The following TAFA5 variants were observed in gnomAD, a reference collection of about 807,000 sequenced individuals.
The protein encoded by TAFA5 is TAFA chemokine like family member 5.
A neutral mutation model predicts 15.3 loss-of-function variants in TAFA5; 6 were observed. The observed-to-expected ratio is 0.39, with a 90% confidence interval of 0.21 to 0.77. The LOEUF (loss-of-function observed/expected upper bound fraction) is 0.77. TAFA5 is among the 30% of genes least tolerant of loss of function. The probability of loss-of-function intolerance (pLI) is 0.41; values close to 1 mark genes in which losing one functional copy is unlikely to be tolerated. For missense variants in TAFA5, 161 were observed against 193.1 expected, an observed-to-expected ratio of 0.83 and a Z score of 0.98; for synonymous variants, 103 against 80.7, an observed-to-expected ratio of 1.28 and a Z score of -1.48.
intron 1 of TAFA5, among the ~76,000 whole-genome samples, chr22:48,640,713 G>A (rs532405188): frequency 1.3e-5 from 2 of 152,324 alleles, no homozygotes; most frequent in South Asian, 2.1e-4. Context: ...GGTCTTCTCT[G>A]TATGGCAAGG....
chr22:48,635,914 C>T (rs1926428014), intron 1 of TAFA5, among the ~76,000 whole-genome samples: 1 of 152,226 alleles, frequency 6.6e-6, no homozygotes, highest in Non-Finnish European at 1.5e-5. Flanking sequence ...TGTCGGATTT[C>T]ACAGGTGGCT....
At chr22:48,549,653 G>A (rs1335778136) in intron 1 of TAFA5, among the ~76,000 whole-genome samples, 1 of 152,202 alleles carries the variant, frequency 6.6e-6, no homozygotes, top group East Asian at 1.9e-4. Context: ...TGCTTTTGGA[G>A]ATGACTGCCC....
At chr22:48,576,272 C>T (rs899070758) in intron 1 of TAFA5, 1 of 796,058 alleles carries the variant, frequency 1.3e-6, no homozygotes, top group Non-Finnish European at 1.7e-6. Flanking sequence ...GCGGCGCCCC[C>T]CTCCCCCCGC....
At chr22:48,518,026 G>A (rs181759657) in intron 1 of TAFA5, among the ~76,000 whole-genome samples, 101 of 152,350 alleles carry the variant, frequency 6.6e-4, no homozygotes, top group African/African-American at 2.1e-3. Context: ...AACGCTGGCC[G>A]TGGTCACAGG....
At chr22:48,709,166 CAGG>C (rs750515804) in intron 3 of TAFA5, among the ~76,000 whole-genome samples, 49 of 152,156 alleles carry the variant, frequency 3.2e-4, no homozygotes, top group Admixed American at 5.2e-4. Context: ...TGTGGGCCTG[CAGG>C]AGGAGTGTGA....
intron 3 of TAFA5, among the ~76,000 whole-genome samples, chr22:48,746,443 G>A (rs1373829148): frequency 6.6e-6 from 1 of 152,126 alleles, no homozygotes; most frequent in Admixed American, 6.5e-5. Context: ...GCAGTGAGCT[G>A]CAATCGCACC....
chr22:48,658,407 C>T (rs918305112), intron 2 of TAFA5, among the ~76,000 whole-genome samples: 1 of 152,232 alleles, frequency 6.6e-6, no homozygotes, highest in African/African-American at 2.4e-5. Flanking sequence ...CATGGGCGCT[C>T]AGTTCCGCAG....
At chr22:48,595,151 T>A (rs1362216405) in intron 1 of TAFA5, among the ~76,000 whole-genome samples, 3 of 152,168 alleles carry the variant, frequency 2.0e-5, no homozygotes, top group African/African-American at 7.2e-5. Context: ...CCCCTGAGTT[T>A]GCAGCCTGCA....
chr22:48,548,211 C>T (rs961201389), intron 1 of TAFA5, among the ~76,000 whole-genome samples: 14 of 152,200 alleles, frequency 9.2e-5, no homozygotes, highest in Non-Finnish European at 1.8e-4. Context: ...TGGGTGTTGA[C>T]ACCCATTAGG....
At chr22:48,539,803 A>T (rs1395123463) in intron 1 of TAFA5, among the ~76,000 whole-genome samples, 1 of 152,336 alleles carries the variant, frequency 6.6e-6, no homozygotes, top group Admixed American at 6.5e-5. Flanking sequence ...CACCCCCAGG[A>T]CGTGATACGT....
chr22:48,722,512 A>G (rs1250713698), intron 3 of TAFA5, among the ~76,000 whole-genome samples: 1 of 151,990 alleles, frequency 6.6e-6, no homozygotes, highest in East Asian at 1.9e-4. Context: ...AACAATGAGA[A>G]CACATGGACA....
intron 1 of TAFA5, among the ~76,000 whole-genome samples, chr22:48,595,610 C>T (rs1924737328): frequency 6.6e-6 from 1 of 152,262 alleles, no homozygotes; most frequent in Non-Finnish European, 1.5e-5. Flanking sequence ...AGGGAGATGT[C>T]ACACATCTCC....
chr22:48,503,910 C>T (rs1466113460), intron 1 of TAFA5, among the ~76,000 whole-genome samples: 1 of 152,092 alleles, frequency 6.6e-6, no homozygotes, highest in Non-Finnish European at 1.5e-5. Flanking sequence ...CACAGGACCC[C>T]GAGTGTGTGG....
intron 1 of TAFA5, among the ~76,000 whole-genome samples, chr22:48,525,766 G>T (rs1252081850): frequency 6.6e-6 from 1 of 152,152 alleles, no homozygotes; most frequent in Non-Finnish European, 1.5e-5. Flanking sequence ...CCTGCCTCCA[G>T]GCCCCTGCAG....
chr22:48,627,898 G>C (rs1926080699), intron 1 of TAFA5, among the ~76,000 whole-genome samples: 1 of 152,246 alleles, frequency 6.6e-6, no homozygotes, highest in Non-Finnish European at 1.5e-5. Flanking sequence ...AAGGACGGGG[G>C]GTTGCATATT....
chr22:48,552,809 C>G lies in TAFA5; in HGVS notation c.112+63105C>G, dbSNP rs1160824232. On this transcript the variant is annotated intron_variant, in intron 1 of 3. Coordinates refer to ENST00000402357, the MANE Select transcript of TAFA5 (RefSeq NM_001082967.3). The surrounding 1 kb of genome is among the most constrained non-coding windows in gnomAD (Gnocchi z 4.1). ...AAGAGGAGGGGCAGCTGGGATTGCA[C>G]CTATATGGGGCTTCCAGGGCTCACC... is the stretch of plus-strand genomic sequence containing the variant. Among the ~76,000 whole-genome samples the G allele has an allele frequency of 6.6e-6, 1 of 152,096 alleles. No homozygotes were observed.
At chr22:48,701,105 C>G (rs1928891488) in intron 2 of TAFA5, among the ~76,000 whole-genome samples, 1 of 152,150 alleles carries the variant, frequency 6.6e-6, no homozygotes, top group Admixed American at 6.5e-5. Flanking sequence ...TGTATTTGTC[C>G]CACTTCAGTG....
chr22:48,748,850 A>G (rs1930401036), intron 3 of TAFA5, among the ~76,000 whole-genome samples: 1 of 152,170 alleles, frequency 6.6e-6, no homozygotes, highest in Non-Finnish European at 1.5e-5. Context: ...GGCCTAACCC[A>G]GGTGGGCAGG....
Position 48,693,401 on chromosome 22 carries a change from G to A in TAFA5, c.263-14316G>A, listed in dbSNP as rs149971572. 457 of 1,612,308 alleles carry A rather than the reference G, an allele frequency of 2.8e-4. 1 individual carries two copies. The African/African-American group carries it at 4.6e-3, about 16-fold the overall frequency. On this transcript the variant is annotated intron_variant, in intron 2 of 3. Transcript: ENST00000402357. Reference sequence around the variant, plus strand: ...GGCCAGGTGAGTCGGAGATCCGTGCGCGTCATAGTGCAGCCCGTGCAGGCA... The same window carrying A: ...GGCCAGGTGAGTCGGAGATCCGTGCACGTCATAGTGCAGCCCGTGCAGGCA...
Sources: gnomAD v4.1 joint callset for allele counts (sites outside exome capture counted in the v4.1 genomes callset) on GRCh38, gnomAD v4.1.1 for gene constraint, Gnocchi (gnomAD v3.1) non-coding constraint, MANE v1.5 for transcripts, NCBI Gene and HGNC (gene_info 2026-07-23, HGNC 2026-07-21) for gene names.